The following ACOX2 variants were observed in gnomAD, a reference collection of about 807,000 sequenced individuals.
The protein encoded by ACOX2 is peroxisomal acyl-coenzyme A oxidase 2.
In ACOX2, 59 loss-of-function variants were observed where a neutral mutation model predicts 77.5. The observed-to-expected ratio is 0.76, with a 90% CI of 0.62 to 0.95. ACOX2 has a LOEUF of 0.95. Among genes scored for constraint, ACOX2 ranks in the 40% least tolerant of loss-of-function variants. ACOX2 has a pLI of 0.00. For synonymous variants in ACOX2, 317 were observed against 340.1 expected (o/e 0.93, Z 0.75); for missense variants, 837 against 880.4 (o/e 0.95, Z 0.62).
Position 58,531,946 on chromosome 3 carries a change from G to A in ACOX2, c.584-134C>T, listed in dbSNP as rs1010415607. ...TGAAAAGTCACTGATCAAAGAGAGA[G>A]GGGATTGCCCCCAAAGAACCAAGCA... On this transcript the variant is annotated intron_variant, in intron 5 of 14. Coordinates refer to ENST00000302819, the MANE Select transcript of ACOX2 (RefSeq NM_003500.4). This position sits in a 1 kb window ranked among gnomAD's most constrained non-coding sequence, Gnocchi z 5.8. The A allele has an allele frequency of 7.5e-7, 1 of 1,332,088 alleles. No homozygotes were observed. 82.5% of individuals were successfully genotyped at this position (1,332,088 alleles called of 1,614,324 possible).
intron 8 of ACOX2, among the ~76,000 whole-genome samples, chr3:58,529,549 CT>C (rs1204366677): frequency 1.3e-5 from 2 of 152,210 alleles, no homozygotes; most frequent in Non-Finnish European, 2.9e-5. Flanking sequence ...CAGACAGCAG[CT>C]GCTTACCTGG....
In ACOX2 at chr3:58,528,062, C is replaced by A. The variant is rs925367728; in HGVS notation, c.1155+732G>T. On this transcript the variant is annotated intron_variant, in intron 9 of 14. Transcript: ENST00000302819. This position sits in a 1 kb window ranked among gnomAD's most constrained non-coding sequence, Gnocchi z 5.6. ...TGGTATTTTGTTACAGTGGCCCCAA[C>A]AGGACAGAGGCTGCTGGGCAGCAGG... Among the ~76,000 whole-genome samples the A allele has an allele frequency of 6.6e-6, 1 of 152,184 alleles. No individual in the cohort carries two copies. Among genetic ancestry groups the A allele is most frequent in the Non-Finnish European group, 1.5e-5 (1 of 68,028 alleles).
intron 13 of ACOX2, among the ~76,000 whole-genome samples, 159 bp from the exon 14 acceptor site, chr3:58,509,184 T>C (rs546729490): frequency 3.0e-4 from 45 of 152,294 alleles, no homozygotes; most frequent in Admixed American, 2.8e-3. Flanking sequence ...TAATCAGTTA[T>C]ATGTGCATAG....
Position 58,515,800 on chromosome 3 carries a change from C to T in ACOX2, c.1850+1406G>A, listed in dbSNP as rs2063318343. On this transcript the variant is annotated intron_variant, in intron 13 of 14. Coordinates refer to ENST00000302819, the MANE Select transcript of ACOX2 (RefSeq NM_003500.4). The surrounding 1 kb of genome is among the most constrained non-coding windows in gnomAD (Gnocchi z 4.0). Reference sequence around the variant, plus strand: ...TTTCTTTTCTTTCCTTTTTTTGAGACAAGGTCTCACTTTGTTGCCCAGGCT... The same window carrying T: ...TTTCTTTTCTTTCCTTTTTTTGAGATAAGGTCTCACTTTGTTGCCCAGGCT... Among the ~76,000 whole-genome samples the T allele has an allele frequency of 6.6e-6, 1 of 151,810 alleles. No homozygotes were observed.
Position 58,535,367 on chromosome 3 carries a change from G to C in ACOX2, c.-91-170C>G. The C allele has an allele frequency of 1.9e-6, 1 of 519,264 alleles. No individual in the cohort carries two copies. The highest frequency in any genetic ancestry group is 3.5e-6 in the Non-Finnish European group (1 of 289,402). 32.2% of individuals were successfully genotyped at this position (519,264 alleles called of 1,614,324 possible). On this transcript the variant is annotated intron_variant, in intron 1 of 14. Coordinates refer to ENST00000302819, the MANE Select transcript of ACOX2 (RefSeq NM_003500.4). The surrounding 1 kb of genome is among the most constrained non-coding windows in gnomAD (Gnocchi z 4.8). Reference sequence around the variant, plus strand: ...AGGCATGGTATGCAGCCATTGCTTGGTACATGTTTGTTCAATACTTGTTAG... The same window carrying C: ...AGGCATGGTATGCAGCCATTGCTTGCTACATGTTTGTTCAATACTTGTTAG...
chr3:58,526,522 C>T lies in ACOX2; in HGVS notation c.1290G>A (p.Leu430=), dbSNP rs766243451. The change falls in exon 10 of 15, where the codon TTG becomes TTA. Residue 430 remains leucine (L), a synonymous_variant. Transcript: ENST00000302819. The surrounding 1 kb of genome is among the most constrained non-coding windows in gnomAD (Gnocchi z 4.3). ...LSGLPSLVTK[L]SASCTYEGEN... ...CACCCTCGTAGGTACAGGAGGCCGA[C>T]AATTTGGTGACCAGTGATGGCAGGC... The T allele has an allele frequency of 1.1e-5, 17 of 1,614,054 alleles. No individual in the cohort carries two copies. The Admixed American group carries it at 1.5e-4, about 14-fold the overall frequency.
rs1443447462 is a variant in ACOX2 at position 58,524,083 on chromosome 3, T to C, written c.1526+343A>G. ...GAGTGAGTATTGCTTTATTTATTGG[T>C]ATTTGCATATCAATACATTTGGAGT... On this transcript the variant is annotated intron_variant, in intron 11 of 14. Coordinates refer to ENST00000302819, the MANE Select transcript of ACOX2 (RefSeq NM_003500.4). This position sits in a 1 kb window ranked among gnomAD's most constrained non-coding sequence, Gnocchi z 5.5. 1.3e-5 allele frequency among the ~76,000 whole-genome samples: 2 copies of C among 152,250 alleles called. No homozygotes were observed. Among genetic ancestry groups the C allele is most frequent in the Non-Finnish European group, 2.9e-5 (2 of 68,050 alleles).
Position 58,524,358 on chromosome 3 carries a change from C to G in ACOX2, c.1526+68G>C. On this transcript the variant is annotated intron_variant, in intron 11 of 14. Coordinates refer to ENST00000302819, the MANE Select transcript of ACOX2 (RefSeq NM_003500.4). This position sits in a 1 kb window ranked among gnomAD's most constrained non-coding sequence, Gnocchi z 5.5. ...ATCCACGAATGTCCACCCAACCAAT[C>G]CAAAGGCCCTAGTGTGGCATGGAGC... 6.4e-7 allele frequency: 1 copy of G among 1,555,554 alleles called. No individual in the cohort carries two copies. Among genetic ancestry groups the G allele is most frequent in the East Asian group, 2.3e-5 (1 of 43,930 alleles).
chr3:58,522,439 G>T lies in ACOX2; in HGVS notation c.1632+57C>A. 5 of 1,551,462 alleles carry T rather than the reference G, an allele frequency of 3.2e-6. No individual in the cohort carries two copies. The highest frequency in any genetic ancestry group is 4.4e-6 in the Non-Finnish European group (5 of 1,125,542). Reference sequence around the variant, plus strand: ...GCAGAGCCCGGATTTTCCCAGCAGGGTAGCCTGCCTGGGAAGCAAAATGGA... The same window carrying T: ...GCAGAGCCCGGATTTTCCCAGCAGGTTAGCCTGCCTGGGAAGCAAAATGGA... On this transcript the variant is annotated intron_variant, in intron 12 of 14. Transcript: ENST00000302819. The surrounding 1 kb of genome is among the most constrained non-coding windows in gnomAD (Gnocchi z 4.3).
chr3:58,509,052 G>C (rs2063256175), intron 13 of ACOX2, 27 bp from the exon 14 acceptor site: 1 of 1,612,468 alleles, frequency 6.2e-7, no homozygotes, highest in African/African-American at 1.3e-5. Context: ...GAGTTTGTAA[G>C]TATTTTAGAT....
chr3:58,531,559 T>G lies in ACOX2; in HGVS notation c.703+134A>C. Reference sequence around the variant, plus strand: ...TCACCTAGCCAGTTAGCACCAAGTCTGTCCAACTGGACCGCTCCCTGCCCA... The same window carrying G: ...TCACCTAGCCAGTTAGCACCAAGTCGGTCCAACTGGACCGCTCCCTGCCCA... On this transcript the variant is annotated intron_variant, in intron 6 of 14. Transcript: ENST00000302819. The surrounding 1 kb of genome is among the most constrained non-coding windows in gnomAD (Gnocchi z 5.8). The G allele has an allele frequency of 7.1e-7, 1 of 1,408,040 alleles. No homozygotes were observed. Among genetic ancestry groups the G allele is most frequent in the South Asian group, 1.4e-5 (1 of 73,220 alleles). The allele number at this position is 1,408,040 out of a possible 1,614,324, so 87.2% of individuals were successfully genotyped here.
In ACOX2 at chr3:58,525,155, G is replaced by A. The variant is rs981772037; in HGVS notation, c.1347-550C>T. ...TCTCTGTTTCTCTAGCTCTAGGTGG[G>A]GAGGACAGTTCTCATCTGATTGAGG... On this transcript the variant is annotated intron_variant, in intron 10 of 14. Coordinates refer to ENST00000302819, the MANE Select transcript of ACOX2 (RefSeq NM_003500.4). This position sits in a 1 kb window ranked among gnomAD's most constrained non-coding sequence, Gnocchi z 5.0. 7.9e-5 allele frequency among the ~76,000 whole-genome samples: 12 copies of A among 152,040 alleles called. No homozygotes were observed. Among genetic ancestry groups the A allele is most frequent in the Admixed American group, 5.9e-4 (9 of 15,264 alleles).
chr3:58,511,221 C>T, intron 13 of ACOX2: 1 of 321,516 alleles, frequency 3.1e-6, no homozygotes, highest in Non-Finnish European at 6.1e-6. Context: ...TGCCTTTCTC[C>T]AACAACATCA....
chr3:58,536,935 G>A (rs993881580), intron 1 of ACOX2, among the ~76,000 whole-genome samples, 184 bp downstream of exon 1: 6 of 152,232 alleles, frequency 3.9e-5, no homozygotes, highest in African/African-American at 1.4e-4. Context: ...AACTGCAAGA[G>A]GGCCGGGATC....
chr3:58,510,524 T>C (rs1288911685), intron 13 of ACOX2, among the ~76,000 whole-genome samples: 5 of 145,224 alleles, frequency 3.4e-5, no homozygotes, highest in East Asian at 2.0e-4. Context: ...TCTCAGCTAC[T>C]GGGAAGGCTG....
In ACOX2 at chr3:58,531,722, C is replaced by T. The variant is rs529617348; in HGVS notation, c.674G>A (p.Arg225Gln). The T allele has an allele frequency of 5.1e-5, 83 of 1,614,158 alleles. 2 individuals carry two copies. In the South Asian group the frequency reaches 5.4e-4, roughly 10 times the overall value. Residue 225 changes from arginine (R) to glutamine (Q), a missense_variant, in exon 6 of 15, where the codon CGG (arginine) becomes CAG (glutamine). Transcript: ENST00000302819. The surrounding 1 kb of genome is among the most constrained non-coding windows in gnomAD (Gnocchi z 5.8). The stretch of plus-strand genomic sequence containing the variant: ...CAGTGGGGTGTGGTCCTGAAGACTC[C>T]GGATTGGCACAATAAAAGCGTGCAT... ...RGMHAFIVPIRSLQDHTPLPG... is the reference protein window; with the variant it reads ...RGMHAFIVPIQSLQDHTPLPG...
chr3:58,535,195 A>T lies in ACOX2; in HGVS notation c.-89T>A. 1 of 1,546,860 alleles carries T rather than the reference A, an allele frequency of 6.5e-7. No individual in the cohort carries two copies. The highest frequency in any genetic ancestry group is 8.9e-7 in the Non-Finnish European group (1 of 1,125,912). On this transcript the variant is annotated splice_region_variant and 5_prime_UTR_variant, in exon 2 of 15. Coordinates refer to ENST00000302819, the MANE Select transcript of ACOX2 (RefSeq NM_003500.4). This position sits in a 1 kb window ranked among gnomAD's most constrained non-coding sequence, Gnocchi z 4.8. ...GCTCTCAGCATTGGTCAGTGCAAAGAACCTGTGTGCAAGAGGAACTGCCTA... is the reference window on the plus strand; with the variant it reads ...GCTCTCAGCATTGGTCAGTGCAAAGTACCTGTGTGCAAGAGGAACTGCCTA...
In ACOX2 at chr3:58,512,927, A is replaced by T. The variant is rs2063298208; in HGVS notation, c.1851-3902T>A. ...CTCTGTGATGTTCACATGATGACAG[A>T]CTCACCTGAAGACACATTTCTCAGA... is the stretch of plus-strand genomic sequence containing the variant. On this transcript the variant is annotated intron_variant, in intron 13 of 14. Coordinates refer to ENST00000302819, the MANE Select transcript of ACOX2 (RefSeq NM_003500.4). The surrounding 1 kb of genome is among the most constrained non-coding windows in gnomAD (Gnocchi z 4.8). Among the ~76,000 whole-genome samples, 1 of 152,146 alleles carries T rather than the reference A, an allele frequency of 6.6e-6. No homozygotes were observed. The highest frequency in any genetic ancestry group is 6.5e-5 in the Admixed American group (1 of 15,278).
rs542643101 is a variant in ACOX2 at position 58,508,981 on chromosome 3, T to C, written c.1895A>G (p.Gln632Arg). The C allele has an allele frequency of 2.5e-6, 4 of 1,614,212 alleles. No homozygotes were observed. Among genetic ancestry groups the C allele is most frequent in the South Asian group, 1.1e-5 (1 of 91,090 alleles). The change falls in exon 14 of 15, where the codon CAG becomes CGG. Residue 632 changes from glutamine to arginine, a missense_variant. By Grantham distance (43) the Gln-to-Arg change is conservative. Transcript: ENST00000302819. The stretch of plus-strand genomic sequence containing the variant: ...ACAGCCAAGTGCTGAATTTAAACAC[T>C]GATCGGTGAAGTCAAAAGCATCAGT... ...LLTDAFDFTD[Q>R]CLNSALGCYD...
Sources: gnomAD v4.1 joint callset for allele counts (sites outside exome capture counted in the v4.1 genomes callset) on GRCh38, gnomAD v4.1.1 for gene constraint, Gnocchi (gnomAD v3.1) non-coding constraint, MANE v1.5 for transcripts, NCBI Gene and HGNC (gene_info 2026-07-23, HGNC 2026-07-21) for gene names.